ARIH1: variants seen among roughly 807,000 people sequenced by gnomAD.
ARIH1 encodes the protein ariadne RBR E3 ubiquitin protein ligase 1, also known as E3 ubiquitin-protein ligase ARIH1.
A neutral mutation model predicts 85.0 loss-of-function variants in ARIH1; 8 were observed. The observed-to-expected ratio is 0.09, with a 90% confidence interval of 0.06 to 0.17. The LOEUF (loss-of-function observed/expected upper bound fraction) is 0.17. ARIH1 is among the 10% of genes least tolerant of loss of function. The pLI is 1.00. For synonymous variants in ARIH1, 238 were observed against 253.6 expected (o/e 0.94, Z 0.59); for missense variants, 311 against 718.1 (o/e 0.43, Z 6.48).
At chr15:72,526,650 C>G (rs565808694) in intron 2 of ARIH1, among the ~76,000 whole-genome samples, 1 of 152,220 alleles carries the variant, frequency 6.6e-6, no homozygotes, top group South Asian at 2.1e-4. Context: ...TGTCTCACTT[C>G]AGTGCAGAGA....
intron 2 of ARIH1, among the ~76,000 whole-genome samples, chr15:72,533,784 G>T (rs116213726): frequency 6.6e-6 from 1 of 152,112 alleles, no homozygotes; most frequent in African/African-American, 2.4e-5. Flanking sequence ...GCATCTGCTT[G>T]TAGTCCCAGC....
chr15:72,595,932 T>C lies in ARIH1; in HGVS notation c.*12640T>C, dbSNP rs1177671616. 6.6e-6 allele frequency: 1 copy of C among 151,640 alleles called. No individual in the cohort carries two copies. The highest frequency in any genetic ancestry group is 1.5e-5 in the Non-Finnish European group (1 of 67,956). The allele number at this position is 151,640 out of a possible 1,614,324, so 9.4% of individuals were successfully genotyped here. ...GCCTCCCAGGTTTAAGCGATTCTCC[T>C]GCCTCAGCCTCCCAAGTAAGTGGGA... On this transcript the variant is annotated 3_prime_UTR_variant, in exon 14 of 14. Transcript: ENST00000379887.
chr15:72,562,713 G>A (rs1488345859), intron 6 of ARIH1, among the ~76,000 whole-genome samples: 1 of 151,552 alleles, frequency 6.6e-6, no homozygotes, highest in Non-Finnish European at 1.5e-5. Flanking sequence ...CCTTGATAAA[G>A]AGTATATCTG....
At chr15:72,504,719 A>G (rs1194018032) in intron 1 of ARIH1, among the ~76,000 whole-genome samples, 3 of 152,164 alleles carry the variant, frequency 2.0e-5, no homozygotes, top group Non-Finnish European at 4.4e-5. Flanking sequence ...CGGCAGACGG[A>G]AGTTCTCATT....
Position 72,587,801 on chromosome 15 carries a change from C to T in ARIH1, c.*4509C>T, listed in dbSNP as rs1293996804. ...CAGTTGGATATCAATCAAATAGTGC[C>T]TACCAGGGGAGTAAACAGACAACTT... On this transcript the variant is annotated 3_prime_UTR_variant, in exon 14 of 14. Transcript: ENST00000379887. The T allele has an allele frequency of 1.3e-5, 2 of 152,230 alleles. No individual in the cohort carries two copies. Among genetic ancestry groups the T allele is most frequent in the Non-Finnish European group, 2.9e-5 (2 of 68,076 alleles). The allele number at this position is 152,230 out of a possible 1,614,324, so 9.4% of individuals were successfully genotyped here.
chr15:72,498,343 C>G (rs145602887), intron 1 of ARIH1, among the ~76,000 whole-genome samples: 6 of 152,218 alleles, frequency 3.9e-5, no homozygotes, highest in African/African-American at 1.4e-4. Flanking sequence ...TAGCAGTACA[C>G]TATAGATTTA....
intron 11 of ARIH1, among the ~76,000 whole-genome samples, chr15:72,574,509 A>G (rs1275019693): frequency 6.6e-6 from 1 of 152,200 alleles, no homozygotes; most frequent in Non-Finnish European, 1.5e-5. Context: ...CCTTGATGGT[A>G]CCTTGACTGC....
chr15:72,583,112 G>A, intron 13 of ARIH1, 96 bp from the exon 14 acceptor site: 1 of 939,928 alleles, frequency 1.1e-6, no homozygotes, highest in Non-Finnish European at 1.6e-6. Flanking sequence ...TCCGAGTCTG[G>A]ATAAACTATA....
chr15:72,483,798 T>C (rs1207195908), intron 1 of ARIH1, among the ~76,000 whole-genome samples: 1 of 59,460 alleles, frequency 1.7e-5, no homozygotes, highest in African/African-American at 4.2e-5. Context: ...TCCAGTTTAC[T>C]GATTTTTTTT....
chr15:72,501,818 G>T (rs922727660), intron 1 of ARIH1, among the ~76,000 whole-genome samples: 3 of 152,172 alleles, frequency 2.0e-5, no homozygotes, highest in Admixed American at 6.5e-5. Context: ...GCCCCACTGT[G>T]CCAGGGCAGT....
At chr15:72,475,279 T>G (rs2063790073) in intron 1 of ARIH1, 1 of 597,484 alleles carries the variant, frequency 1.7e-6, no homozygotes. Flanking sequence ...AGCCTTCTCT[T>G]GCGGGCAATT....
In ARIH1 at chr15:72,586,265, C is replaced by G. The variant is rs1002940661; in HGVS notation, c.*2973C>G. ...GAATCTGCTGTGTAATAAAGTGGTT[C>G]AACCATGATTAGGAACTGAAATTTA... On this transcript the variant is annotated 3_prime_UTR_variant, in exon 14 of 14. Coordinates refer to ENST00000379887, the MANE Select transcript of ARIH1 (RefSeq NM_005744.5). The G allele has an allele frequency of 6.6e-6, 1 of 152,090 alleles. No homozygotes were observed. Among genetic ancestry groups the G allele is most frequent in the African/African-American group, 2.4e-5 (1 of 41,422 alleles). 9.4% of individuals were successfully genotyped at this position (152,090 alleles called of 1,614,324 possible).
At chr15:72,572,320 C>T (rs1293626634) in intron 11 of ARIH1, 155 bp downstream of exon 11, 3 of 503,602 alleles carry the variant, frequency 6.0e-6, no homozygotes, top group Non-Finnish European at 1.0e-5. Context: ...TCACTGCAAC[C>T]TCCACCTCCT....
In ARIH1 at chr15:72,475,272, C is replaced by T. The variant is rs897702610; in HGVS notation, c.375+258C>T. 1.7e-5 allele frequency: 12 copies of T among 691,804 alleles called. No individual in the cohort carries two copies. In the South Asian group the frequency reaches 2.3e-4, roughly 13 times the overall value. 42.9% of individuals were successfully genotyped at this position (691,804 alleles called of 1,614,324 possible). A position where few individuals can be genotyped will look rare whatever the true frequency, so the allele number is the denominator to read the frequency against. On this transcript the variant is annotated intron_variant, in intron 1 of 13. Transcript: ENST00000379887. ...GGCGGAGGCCTTCGGTCGCCTAAGC[C>T]TTCTCTTGCGGGCAATTTCTGCCAG...
chr15:72,536,182 G>A (rs1377530977), intron 2 of ARIH1, among the ~76,000 whole-genome samples: 4 of 152,174 alleles, frequency 2.6e-5, no homozygotes, highest in Non-Finnish European at 4.4e-5. Flanking sequence ...GTATTGTACA[G>A]ATGTTCTCCA....
At position 72,585,623 on chromosome 15, in the gene ARIH1, G is replaced by A. The variant is rs909958235; in HGVS notation, c.*2331G>A. 6.6e-6 allele frequency: 1 copy of A among 152,068 alleles called. No individual in the cohort carries two copies. Among genetic ancestry groups the A allele is most frequent in the African/African-American group, 2.4e-5 (1 of 41,380 alleles). 9.4% of individuals were successfully genotyped at this position (152,068 alleles called of 1,614,324 possible). ...TGCAACAAATACCCAAAAATTGTGT[G>A]TGCACTTCCTAATACCAGTCTTCAC... On this transcript the variant is annotated 3_prime_UTR_variant, in exon 14 of 14. Transcript: ENST00000379887.
intron 9 of ARIH1, among the ~76,000 whole-genome samples, chr15:72,567,690 C>G (rs943704002): frequency 6.6e-6 from 1 of 152,208 alleles, no homozygotes; most frequent in Non-Finnish European, 1.5e-5. Context: ...TCCTCGATCA[C>G]TAATCTAATG....
Position 72,474,408 on chromosome 15 carries a change from G to A in ARIH1, c.-232G>A, listed in dbSNP as rs1431258461. The A allele has an allele frequency of 3.6e-6, 2 of 560,766 alleles. No individual in the cohort carries two copies. The highest frequency in any genetic ancestry group is 4.0e-5 in the East Asian group (1 of 25,264). 34.7% of individuals were successfully genotyped at this position (560,766 alleles called of 1,614,324 possible). A position where few individuals can be genotyped will look rare whatever the true frequency, so the allele number is the denominator to read the frequency against. ...GGCCGGAGCGGAGCCGCGTCTGACT[G>A]AGGCGGGCAGCAAGCGGCCCCCTCG... On this transcript the variant is annotated 5_prime_UTR_variant, in exon 1 of 14. Coordinates refer to ENST00000379887, the MANE Select transcript of ARIH1 (RefSeq NM_005744.5).
At chr15:72,498,358 T>C (rs2063888581) in intron 1 of ARIH1, among the ~76,000 whole-genome samples, 1 of 152,244 alleles carries the variant, frequency 6.6e-6, no homozygotes, top group African/African-American at 2.4e-5. Context: ...GATTTAAAAA[T>C]TGTATGGTAT....
Sources: allele counts gnomAD v4.1 joint callset (sites outside exome capture counted in the v4.1 genomes callset), GRCh38; gene constraint gnomAD v4.1.1; transcripts MANE v1.5; gene names NCBI Gene and HGNC (gene_info 2026-07-23, HGNC 2026-07-21).